The following UEVLD variants were observed in gnomAD, a reference collection of about 807,000 sequenced individuals.
UEVLD encodes ubiquitin-conjugating enzyme E2 variant 3.
In UEVLD, 47 loss-of-function variants were observed where a neutral mutation model predicts 58.6. The observed-to-expected ratio is 0.80, with a 90% CI of 0.63 to 1.02. The LOEUF is 1.02. UEVLD is among the 50% of genes least tolerant of loss of function. The probability of loss-of-function intolerance (pLI) is 0.00; values close to 1 mark genes in which losing one functional copy is unlikely to be tolerated. For synonymous variants in UEVLD, 197 were observed against 195.3 expected (o/e 1.01, Z -0.07); for missense variants, 510 against 550.6 (o/e 0.93, Z 0.74).
intron 3 of UEVLD, among the ~76,000 whole-genome samples, chr11:18,573,723 C>T (rs1001048179): frequency 2.0e-5 from 3 of 152,018 alleles, no homozygotes; most frequent in Non-Finnish European, 2.9e-5. Flanking sequence ...AGAAGCAGAA[C>T]AAAACATGAG....
intron 1 of UEVLD, among the ~76,000 whole-genome samples, chr11:18,581,689 A>AG (rs1485616373): frequency 6.6e-6 from 1 of 151,956 alleles, no homozygotes; most frequent in East Asian, 1.9e-4. Context: ...AAAAAAAAAA[A>AG]AAAGAAAATT....
intron 7 of UEVLD, among the ~76,000 whole-genome samples, chr11:18,554,772 T>A (rs968626846): frequency 6.6e-6 from 1 of 152,160 alleles, no homozygotes; most frequent in Non-Finnish European, 1.5e-5. Flanking sequence ...TGTATCTGTA[T>A]GTAAATTTTC....
intron 10 of UEVLD, 135 bp downstream of exon 10, chr11:18,536,271 T>A: frequency 1.3e-6 from 1 of 756,958 alleles, no homozygotes; most frequent in Non-Finnish European, 2.3e-6. Context: ...AAAACACTGC[T>A]CCTTTATACT....
At chr11:18,586,320 T>G (rs1341332988) in intron 1 of UEVLD, among the ~76,000 whole-genome samples, 1 of 152,172 alleles carries the variant, frequency 6.6e-6, no homozygotes, top group Non-Finnish European at 1.5e-5. Flanking sequence ...GTTCAAGTGA[T>G]TCTCCTGCTT....
chr11:18,542,221 G>A (rs571054672), intron 9 of UEVLD, among the ~76,000 whole-genome samples: 1 of 152,280 alleles, frequency 6.6e-6, no homozygotes, highest in Non-Finnish European at 1.5e-5. Context: ...GGGTAGACTA[G>A]AGGGGAAGAG....
rs1312988769 is a variant in UEVLD, at chr11:18,562,407, T to C, written c.612+2485A>G. On this transcript the variant is annotated intron_variant, in intron 6 of 11. Transcript: ENST00000396197. ...AAATACAAAAATTAGCTGGGTGTAG[T>C]GGCACACGCCTGTAATCCCAGCTAC... Among the ~76,000 whole-genome samples the C allele has an allele frequency of 2.0e-5, 3 of 152,008 alleles. No individual in the cohort carries two copies. In the East Asian group the frequency reaches 5.8e-4, roughly 30 times the overall value.
intron 6 of UEVLD, among the ~76,000 whole-genome samples, chr11:18,560,134 CACACAGAGAGAG>C (rs1373420763): frequency 1.7e-4 from 15 of 88,878 alleles, no homozygotes; most frequent in African/African-American, 7.2e-4. Flanking sequence ...CACACACACA[CACACAGAGAGAG>C]AAAGAAAATA....
chr11:18,553,193 G>T (rs1173822058), intron 7 of UEVLD, among the ~76,000 whole-genome samples: 21 of 150,252 alleles, frequency 1.4e-4, no homozygotes, highest in Non-Finnish European at 2.8e-4. Context: ...GGGCATGGTG[G>T]CGTGCTCCCG....
At chr11:18,584,613 CA>C (rs1392206927) in intron 1 of UEVLD, among the ~76,000 whole-genome samples, 1 of 151,980 alleles carries the variant, frequency 6.6e-6, no homozygotes, top group African/African-American at 2.4e-5. Flanking sequence ...ATCTTTTGCC[CA>C]ATTATCTATT....
chr11:18,535,927 G>A (rs191279900), intron 10 of UEVLD, among the ~76,000 whole-genome samples: 1 of 152,184 alleles, frequency 6.6e-6, no homozygotes, highest in African/African-American at 2.4e-5. Context: ...ATGTGGTCAG[G>A]AGATCAAGAC....
intron 6 of UEVLD, among the ~76,000 whole-genome samples, chr11:18,564,590 A>T (rs572047390): frequency 6.6e-6 from 1 of 152,302 alleles, no homozygotes; most frequent in Admixed American, 6.5e-5. Flanking sequence ...AATGAGTTTA[A>T]TTAAAGTGGC....
intron 7 of UEVLD, 125 bp from the exon 8 acceptor site, chr11:18,547,175 A>C: frequency 1.1e-6 from 1 of 900,422 alleles, no homozygotes; most frequent in East Asian, 2.7e-5. Flanking sequence ...CCATAAATCA[A>C]CCCCAGATCC....
intron 7 of UEVLD, among the ~76,000 whole-genome samples, chr11:18,548,630 T>G (rs1246554043): frequency 6.6e-6 from 1 of 152,176 alleles, no homozygotes; most frequent in Non-Finnish European, 1.5e-5. Context: ...TTTCTACATG[T>G]TGGTGAGGTT....
chr11:18,543,124 C>T (rs1851137624), intron 9 of UEVLD, among the ~76,000 whole-genome samples: 1 of 152,098 alleles, frequency 6.6e-6, no homozygotes. Context: ...ATCTCCTGAG[C>T]TTGTGATCCA....
intron 3 of UEVLD, among the ~76,000 whole-genome samples, chr11:18,573,603 T>C (rs1384380440): frequency 1.3e-5 from 2 of 152,238 alleles, no homozygotes; most frequent in Non-Finnish European, 2.9e-5. Flanking sequence ...ATCCCATGGC[T>C]AGCTGCATTC....
intron 9 of UEVLD, among the ~76,000 whole-genome samples, chr11:18,539,793 C>T (rs1179338062): frequency 6.6e-6 from 1 of 152,152 alleles, no homozygotes; most frequent in African/African-American, 2.4e-5. Flanking sequence ...AAGTCAACCA[C>T]CTGACTAGCA....
chr11:18,577,746 C>A (rs1365538528), intron 2 of UEVLD, among the ~76,000 whole-genome samples: 1 of 151,868 alleles, frequency 6.6e-6, no homozygotes, highest in Non-Finnish European at 1.5e-5. Flanking sequence ...GTGGTGGGTG[C>A]CTGTAATCCC....
chr11:18,536,366 A>AT, intron 10 of UEVLD, 40 bp downstream of exon 10: 1 of 1,587,226 alleles, frequency 6.3e-7, no homozygotes, highest in Non-Finnish European at 8.6e-7. Context: ...GAAGTAAATG[A>AT]TTTTTCGTTG....
chr11:18,577,643 A>G (rs2134057553), intron 2 of UEVLD, among the ~76,000 whole-genome samples: 1 of 152,216 alleles, frequency 6.6e-6, no homozygotes, highest in Non-Finnish European at 1.5e-5. Flanking sequence ...GCCGAGGTGG[A>G]TGTATCAATT....
Sources: allele counts gnomAD v4.1 joint callset (sites outside exome capture counted in the v4.1 genomes callset), GRCh38; gene constraint gnomAD v4.1.1; transcripts MANE v1.5; gene names NCBI Gene and HGNC (gene_info 2026-07-23, HGNC 2026-07-21).